Variants in TSNARE1 observed in about 807,000 individuals in gnomAD.
TSNARE1 encodes t-SNARE domain containing 1, also known as t-SNARE domain-containing protein 1.
Under a neutral mutation model 62.0 loss-of-function variants are expected in TSNARE1, and 49 were observed. The ratio of observed to expected loss-of-function variants is 0.79; its 90% CI spans 0.63 to 1.00. TSNARE1 has a LOEUF of 1.00. Among genes scored for constraint, TSNARE1 ranks in the 50% least tolerant of loss-of-function variants. The probability of loss-of-function intolerance (pLI) is 0.00; values close to 1 mark genes in which losing one functional copy is unlikely to be tolerated. For synonymous variants in TSNARE1, 328 were observed against 294.4 expected (o/e 1.11, Z -1.17); for missense variants, 755 against 700.1 (o/e 1.08, Z -0.88).
intron 10 of TSNARE1, among the ~76,000 whole-genome samples, chr8:142,299,164 A>C (rs773994032): frequency 2.0e-5 from 3 of 152,148 alleles, no homozygotes; most frequent in Non-Finnish European, 2.9e-5. Context: ...GCGCTCCTCC[A>C]CCAGGTCAAA....
chr8:142,301,882 C>T (rs917359384), intron 9 of TSNARE1, among the ~76,000 whole-genome samples: 1 of 152,200 alleles, frequency 6.6e-6, no homozygotes, highest in Non-Finnish European at 1.5e-5. Flanking sequence ...CATGCTAAAT[C>T]AGGGCGAGCC....
chr8:142,339,089 G>C (rs1832174227), intron 4 of TSNARE1, among the ~76,000 whole-genome samples: 1 of 152,194 alleles, frequency 6.6e-6, no homozygotes, highest in African/African-American at 2.4e-5. Flanking sequence ...GAGGTAGTAG[G>C]GACAGAGGTC....
Position 142,274,772 on chromosome 8 carries a change from C to A in TSNARE1, c.1446+9G>T. 1.9e-6 allele frequency: 3 copies of A among 1,550,200 alleles called. No individual in the cohort carries two copies. The highest frequency in any genetic ancestry group is 1.7e-6 in the Non-Finnish European group (2 of 1,148,700). On this transcript the variant is annotated intron_variant, in intron 12 of 13. Coordinates refer to ENST00000524325, the MANE Select transcript of TSNARE1 (RefSeq NM_145003.5). ...CCGGCCGGGCACTGTGGCCCTCACA[C>A]GGACTTACTTGGTGCCGGCTGGCTC...
chr8:142,398,001 A>G (rs1197352563), intron 1 of TSNARE1, among the ~76,000 whole-genome samples: 1 of 152,064 alleles, frequency 6.6e-6, no homozygotes, highest in Non-Finnish European at 1.5e-5. Flanking sequence ...AGAAAAGCCC[A>G]GGCCTCACCC....
chr8:142,279,464 CT>C (rs939371348), intron 11 of TSNARE1, among the ~76,000 whole-genome samples: 12 of 152,334 alleles, frequency 7.9e-5, no homozygotes, highest in African/African-American at 2.9e-4. Flanking sequence ...CAGAGGCCAC[CT>C]TGTGACCGCC....
intron 10 of TSNARE1, among the ~76,000 whole-genome samples, chr8:142,292,585 C>T (rs1823985684): frequency 6.6e-6 from 1 of 152,154 alleles, no homozygotes; most frequent in African/African-American, 2.4e-5. Flanking sequence ...CCCCAGGAGG[C>T]TGTCGATGAG....
At chr8:142,336,405 G>A (rs138611516) in intron 4 of TSNARE1, among the ~76,000 whole-genome samples, 9 of 150,646 alleles carry the variant, frequency 6.0e-5, no homozygotes, top group Admixed American at 1.3e-4. Flanking sequence ...CATGTAAACA[G>A]TAATCATAAG....
At chr8:142,372,414 A>G (rs1835977857) in intron 1 of TSNARE1, among the ~76,000 whole-genome samples, 1 of 152,212 alleles carries the variant, frequency 6.6e-6, no homozygotes, top group Admixed American at 6.5e-5. Context: ...CACGGAGTAC[A>G]ACCATGAATG....
intron 12 of TSNARE1, among the ~76,000 whole-genome samples, chr8:142,259,605 T>C (rs1205716674): frequency 6.6e-6 from 1 of 152,196 alleles, no homozygotes; most frequent in African/African-American, 2.4e-5. Flanking sequence ...AAAATCCAAT[T>C]GCTGTTTATT....
chr8:142,222,120 A>C (rs186448114), intron 13 of TSNARE1, among the ~76,000 whole-genome samples: 1 of 146,736 alleles, frequency 6.8e-6, no homozygotes, highest in South Asian at 2.2e-4. Context: ...TCATCCACTC[A>C]TTCACTCACT....
chr8:142,307,491 T>C (rs1586703346), intron 9 of TSNARE1, among the ~76,000 whole-genome samples: 1 of 152,244 alleles, frequency 6.6e-6, no homozygotes, highest in Non-Finnish European at 1.5e-5. Flanking sequence ...GGTATTTTCA[T>C]ACAACCTACG....
chr8:142,403,117 G>C lies in TSNARE1; in HGVS notation c.-53C>G, dbSNP rs1838427132. 4.0e-5 allele frequency: 6 copies of C among 149,164 alleles called. No homozygotes were observed. The South Asian group carries it at 1.1e-3, about 28-fold the overall frequency. The allele number at this position is 149,164 out of a possible 1,614,324, so 9.2% of individuals were successfully genotyped here. A position where few individuals can be genotyped will look rare whatever the true frequency, so the allele number is the denominator to read the frequency against. ...CCGCCGCCTCACCTGGGCCTCGGTG[G>C]CTCGCGGACCGCTCCGGGCGCTCAC... On this transcript the variant is annotated 5_prime_UTR_variant, in exon 1 of 14. Coordinates refer to ENST00000524325, the MANE Select transcript of TSNARE1 (RefSeq NM_145003.5).
At chr8:142,337,584 G>C (rs1203072179) in intron 4 of TSNARE1, among the ~76,000 whole-genome samples, 3 of 152,220 alleles carry the variant, frequency 2.0e-5, no homozygotes, top group African/African-American at 7.2e-5. Context: ...GCCGCGGGGA[G>C]TGCCGTCCTG....
chr8:142,245,326 A>C (rs759273047), intron 12 of TSNARE1, among the ~76,000 whole-genome samples: 12 of 152,168 alleles, frequency 7.9e-5, no homozygotes, highest in Non-Finnish European at 1.6e-4. Context: ...ACTTTAGTAG[A>C]GAGCTGGAGA....
chr8:142,387,780 C>T (rs1286470241), intron 1 of TSNARE1, among the ~76,000 whole-genome samples: 1 of 151,988 alleles, frequency 6.6e-6, no homozygotes, highest in Non-Finnish European at 1.5e-5. Flanking sequence ...GAAAACAAAA[C>T]AAAAAAGCAC....
chr8:142,313,590 TG>T (rs1483519249), intron 9 of TSNARE1, among the ~76,000 whole-genome samples: 1 of 152,188 alleles, frequency 6.6e-6, no homozygotes, highest in East Asian at 1.9e-4. Context: ...TATCTGCATG[TG>T]TCTCTATGTG....
intron 10 of TSNARE1, among the ~76,000 whole-genome samples, chr8:142,287,680 C>A (rs1247047261): frequency 1.6e-5 from 2 of 125,304 alleles, no homozygotes; most frequent in Admixed American, 1.7e-4. Flanking sequence ...ACCCAGGACC[C>A]CGGCCAGATC....
chr8:142,278,066 G>A, intron 11 of TSNARE1: 5 of 985,390 alleles, frequency 5.1e-6, no homozygotes, highest in Non-Finnish European at 6.0e-6. Context: ...GCACAGGCCT[G>A]AGAGGACCCA....
Position 142,250,101 on chromosome 8 carries a change from G to T in TSNARE1, c.1447-20522C>A, listed in dbSNP as rs543297383. Among the ~76,000 whole-genome samples the T allele has an allele frequency of 2.6e-5, 4 of 152,274 alleles. No individual in the cohort carries two copies. The South Asian group carries it at 8.3e-4, about 32-fold the overall frequency. The stretch of plus-strand genomic sequence containing the variant: ...AGTGCGCCGCATGAGACCTGCTGGA[G>T]CCAGGCCGGCAGCGCAGCAGTGTGC... On this transcript the variant is annotated intron_variant, in intron 12 of 13. Transcript: ENST00000524325.
Sources: allele counts gnomAD v4.1 joint callset (sites outside exome capture counted in the v4.1 genomes callset), GRCh38; gene constraint gnomAD v4.1.1; transcripts MANE v1.5; gene names NCBI Gene and HGNC (gene_info 2026-07-23, HGNC 2026-07-21).